LAMA2: variants seen among roughly 807,000 people sequenced by gnomAD.
The protein encoded by LAMA2 is laminin subunit alpha 2.
LAMA2 carries 269 observed loss-of-function variants against 364.8 expected under a neutral mutation model. That is an observed-to-expected ratio of 0.74 (90% CI 0.67 to 0.82). LAMA2 has a LOEUF of 0.82. Ranked by LOEUF, LAMA2 falls within the 40% of genes least tolerant of loss-of-function variation. LAMA2 has a pLI of 0.00. For synonymous variants in LAMA2, 1,379 were observed against 1,370.6 expected, an observed-to-expected ratio of 1.01 and a Z score of -0.14; for missense variants, 3,807 against 3,873.2, an observed-to-expected ratio of 0.98 and a Z score of 0.45.
chr6:129,251,990 T>C (rs1366133541), intron 13 of LAMA2, 94 bp from the exon 14 acceptor site: 26 of 764,488 alleles, frequency 3.4e-5, no homozygotes, highest in African/African-American at 5.2e-5. Context: ...TAAAAGTCTA[T>C]TGAGGGTGGA....
At chr6:129,429,813 C>T (rs1781500748) in intron 41 of LAMA2, among the ~76,000 whole-genome samples, 1 of 152,140 alleles carries the variant, frequency 6.6e-6, no homozygotes, top group African/African-American at 2.4e-5. Flanking sequence ...TTAATAATAC[C>T]AGGGCCGTGC....
chr6:128,908,907 C>T (rs1184647146), intron 1 of LAMA2, among the ~76,000 whole-genome samples: 4 of 147,698 alleles, frequency 2.7e-5, no homozygotes, highest in African/African-American at 1.0e-4. Context: ...AGTAGTCATT[C>T]AGGAGCAGGT....
intron 28 of LAMA2, among the ~76,000 whole-genome samples, chr6:129,325,074 G>C (rs778054701): frequency 6.6e-6 from 1 of 152,182 alleles, no homozygotes; most frequent in Non-Finnish European, 1.5e-5. Context: ...GGAGCGCAGT[G>C]TGCAGCCCTG....
intron 1 of LAMA2, among the ~76,000 whole-genome samples, chr6:129,012,172 T>C (rs1157410748): frequency 6.6e-6 from 1 of 152,234 alleles, no homozygotes; most frequent in Non-Finnish European, 1.5e-5. Context: ...TGAGGGAATA[T>C]GCTTCTCTTA....
intron 1 of LAMA2, among the ~76,000 whole-genome samples, chr6:129,038,258 T>G (rs1786809528): frequency 6.6e-6 from 1 of 152,186 alleles, no homozygotes; most frequent in Non-Finnish European, 1.5e-5. Context: ...TCTATAGATA[T>G]TTAAATGAAG....
intron 1 of LAMA2, among the ~76,000 whole-genome samples, chr6:128,931,300 A>T (rs6917956): frequency 0.13 from 19,380 of 152,164 alleles, 1,552 homozygotes; most frequent in African/African-American, 0.23. Context: ...TTCTTATCAC[A>T]CTTTGCAGTG....
At chr6:129,057,310 C>T (rs940213101) in intron 2 of LAMA2, among the ~76,000 whole-genome samples, 38 of 151,878 alleles carry the variant, frequency 2.5e-4, no homozygotes, top group Non-Finnish European at 2.5e-4. Context: ...CTCACTGGTC[C>T]GTGGCAAAGT....
intron 1 of LAMA2, among the ~76,000 whole-genome samples, chr6:128,931,948 C>T (rs11970706): frequency 0.13 from 19,441 of 152,016 alleles, 1,570 homozygotes; most frequent in African/African-American, 0.23. Flanking sequence ...TTATATTTTT[C>T]TCCAACTGCT....
chr6:129,470,710 T>C (rs1783770007), intron 51 of LAMA2, among the ~76,000 whole-genome samples: 1 of 151,906 alleles, frequency 6.6e-6, no homozygotes, highest in Non-Finnish European at 1.5e-5. Context: ...CTGAGGACTT[T>C]AGCAAGACCA....
At chr6:129,160,541 G>A (rs1779387078) in intron 8 of LAMA2, among the ~76,000 whole-genome samples, 4 of 151,616 alleles carry the variant, frequency 2.6e-5, no homozygotes. Flanking sequence ...AAAAACTTCT[G>A]CCTTTTTATT....
chr6:129,074,939 C>T (rs1282664694), intron 3 of LAMA2, among the ~76,000 whole-genome samples: 3 of 151,958 alleles, frequency 2.0e-5, no homozygotes, highest in Non-Finnish European at 4.4e-5. Context: ...TAACAATATG[C>T]GTTTGAAAAA....
At chr6:129,121,172 C>T (rs1776784673) in intron 4 of LAMA2, among the ~76,000 whole-genome samples, 1 of 152,118 alleles carries the variant, frequency 6.6e-6, no homozygotes, top group Non-Finnish European at 1.5e-5. Flanking sequence ...GATGTATTTT[C>T]AGAAATAATT....
At chr6:129,406,784 GT>G (rs948048514) in intron 40 of LAMA2, among the ~76,000 whole-genome samples, 23 of 152,218 alleles carry the variant, frequency 1.5e-4, no homozygotes, top group African/African-American at 5.3e-4. Context: ...AAGAAGGGGG[GT>G]TTACTAAGGA....
chr6:129,075,559 A>G (rs1307772723), intron 3 of LAMA2, among the ~76,000 whole-genome samples: 5 of 152,146 alleles, frequency 3.3e-5, no homozygotes, highest in Non-Finnish European at 7.3e-5. Context: ...TAGCAAAGAG[A>G]TGATGGTAAC....
intron 27 of LAMA2, among the ~76,000 whole-genome samples, chr6:129,319,911 T>A (rs1317037405): frequency 6.6e-6 from 1 of 152,132 alleles, no homozygotes; most frequent in Non-Finnish European, 1.5e-5. Context: ...AGCAGGCAGA[T>A]CACTTGAGGT....
At chr6:129,210,861 G>T (rs533772546) in intron 12 of LAMA2, among the ~76,000 whole-genome samples, 8 of 152,188 alleles carry the variant, frequency 5.3e-5, no homozygotes, top group African/African-American at 1.9e-4. Context: ...CAGAACAGAT[G>T]CTGGCTACAG....
At chr6:129,245,206 C>T (rs796798044) in intron 12 of LAMA2, among the ~76,000 whole-genome samples, 7 of 152,016 alleles carry the variant, frequency 4.6e-5, no homozygotes, top group African/African-American at 7.2e-5. Context: ...TGGAATGAAC[C>T]GCTCTCACTA....
intron 12 of LAMA2, among the ~76,000 whole-genome samples, chr6:129,236,974 T>C (rs1243716596): frequency 6.6e-6 from 1 of 152,210 alleles, no homozygotes; most frequent in Admixed American, 6.5e-5. Flanking sequence ...AGCACAGAGG[T>C]TAAACATTGA....
chr6:129,438,054 A>AT (rs145075764), intron 41 of LAMA2, among the ~76,000 whole-genome samples: 3,889 of 151,780 alleles, frequency 0.026, 171 homozygotes, highest in African/African-American at 0.089. Flanking sequence ...AGAGAAAAAA[A>AT]CTATATAAAA....
Sources: allele counts gnomAD v4.1 joint callset (sites outside exome capture counted in the v4.1 genomes callset), GRCh38; gene constraint gnomAD v4.1.1; transcripts MANE v1.5; gene names NCBI Gene and HGNC (gene_info 2026-07-23, HGNC 2026-07-21).